TMEM184A: variants seen among roughly 807,000 people sequenced by gnomAD.
TMEM184A encodes sexually dimorphic, expressed in male gonads 1.
In TMEM184A, 40 loss-of-function variants were observed where a neutral mutation model predicts 39.5. The observed-to-expected ratio is 1.01, with a 90% CI of 0.79 to 1.32. TMEM184A has a LOEUF of 1.32. TMEM184A is among the 40% of genes most tolerant of loss of function. The probability of loss-of-function intolerance (pLI) is 0.00; values close to 1 mark genes in which losing one functional copy is unlikely to be tolerated. For missense variants in TMEM184A, 603 were observed against 568.8 expected, an observed-to-expected ratio of 1.06 and a Z score of -0.61; for synonymous variants, 280 against 252.3, an observed-to-expected ratio of 1.11 and a Z score of -1.04.
intron 6 of TMEM184A, chr7:1,549,380 G>GA: frequency 2.6e-6 from 1 of 391,796 alleles, no homozygotes; most frequent in East Asian, 7.2e-5. Flanking sequence ...TGTGCTGGGT[G>GA]GCTGCCTGTC....
Position 1,550,912 on chromosome 7 carries a change from A to G in TMEM184A, c.290T>C (p.Val97Ala). The change falls in exon 3 of 9, where the codon GTG becomes GCG. Residue 97 changes from valine to alanine, a missense_variant. Transcript: ENST00000297477. ...CCAGGAGTCGAAGGCGTAGATGGGCACGATGAGGAGCAGGCGGATGATGTA... is the reference window on the plus strand; with the variant it reads ...CCAGGAGTCGAAGGCGTAGATGGGCGCGATGAGGAGCAGGCGGATGATGTA... ...QRYIIRLLLI[V>A]PIYAFDSWLS... 1.2e-6 allele frequency: 2 copies of G among 1,613,872 alleles called. No homozygotes were observed. The highest frequency in any genetic ancestry group is 1.7e-6 in the Non-Finnish European group (2 of 1,179,964).
Position 1,547,947 on chromosome 7 carries a change from C to A in TMEM184A, c.815-8G>T, listed in dbSNP as rs372686419. 3.2e-6 allele frequency: 5 copies of A among 1,556,680 alleles called. No individual in the cohort carries two copies. In the Admixed American group the frequency reaches 7.6e-5, roughly 24 times the overall value. Reference sequence around the variant, plus strand: ...GGATGGCCAGCAGCAGCCCTGCGGACGCCACGGCCGCTCAGCCCCAGCCCC... The same window carrying A: ...GGATGGCCAGCAGCAGCCCTGCGGAAGCCACGGCCGCTCAGCCCCAGCCCC... On this transcript the variant is annotated splice_region_variant and splice_polypyrimidine_tract_variant and intron_variant, in intron 7 of 8. Transcript: ENST00000297477.
chr7:1,548,653 T>C lies in TMEM184A; in HGVS notation c.680A>G (p.Tyr227Cys). Residue 227 changes from tyrosine to cysteine, a missense_variant, in exon 7 of 9, where the codon TAC becomes TGC. By Grantham distance (194) the Tyr-to-Cys change is radical (BLOSUM62 -2). Transcript: ENST00000297477. ...GAGGGCGAGGCTGACGGAGGCGTTG[T>C]AGATGAGGGTCACATAGAGGTAGCC... The part of the protein sequence containing the change: ...RSGYLYVTLI[Y>C]NASVSLALYA... 6.2e-7 allele frequency: 1 copy of C among 1,613,836 alleles called. No homozygotes were observed. Among genetic ancestry groups the C allele is most frequent in the Non-Finnish European group, 8.5e-7 (1 of 1,179,964 alleles).
chr7:1,546,623 G>A lies in TMEM184A; in HGVS notation c.*329C>T. The stretch of plus-strand genomic sequence containing the variant: ...CACTCACAGCTCCCATGGGGTCCGT[G>A]CAGCCAAGGCCCCGCAGCCACACTC... On this transcript the variant is annotated 3_prime_UTR_variant, in exon 9 of 9. Coordinates refer to ENST00000297477, the MANE Select transcript of TMEM184A (RefSeq NM_001097620.2). 1 of 285,704 alleles carries A rather than the reference G, an allele frequency of 3.5e-6. No homozygotes were observed. The highest frequency in any genetic ancestry group is 6.5e-6 in the Non-Finnish European group (1 of 153,796). The allele number at this position is 285,704 out of a possible 1,614,324, so 17.7% of individuals were successfully genotyped here.
Position 1,547,370 on chromosome 7 carries a change from C to T in TMEM184A, c.1013-189G>A, listed in dbSNP as rs773900616. On this transcript the variant is annotated intron_variant, in intron 8 of 8. Transcript: ENST00000297477. ...ACCCAGCACCGGGCCCGTCCCTGGC[C>T]AGACCCCTGACAAGGACCACGTCCC... 2.8e-4 allele frequency among the ~76,000 whole-genome samples: 42 copies of T among 152,250 alleles called. 1 individual carries two copies. In the Middle Eastern group the frequency reaches 0.02, roughly 74 times the overall value.
intron 2 of TMEM184A, among the ~76,000 whole-genome samples, chr7:1,551,826 A>G (rs965166967): frequency 1.3e-5 from 2 of 152,038 alleles, no homozygotes; most frequent in African/African-American, 2.4e-5. Flanking sequence ...AATCCCAGCT[A>G]CTAGAGAGGC....
At chr7:1,549,258 G>C (rs1201528561) in intron 6 of TMEM184A, 2 of 448,340 alleles carry the variant, frequency 4.5e-6, no homozygotes, top group Admixed American at 2.4e-5. Context: ...GTGCGCACAG[G>C]TGACAGCACA....
At chr7:1,548,057 G>A (rs764657668) in intron 7 of TMEM184A, 118 bp from the exon 8 acceptor site, 37 of 1,152,122 alleles carry the variant, frequency 3.2e-5, no homozygotes, top group Admixed American at 9.1e-5. Context: ...GTGTAGTCTC[G>A]TCCCACCCCA....
In TMEM184A at chr7:1,555,151, G is replaced by T; in HGVS notation, c.219+115C>A. ...TCATCCCCTCCCCCGTGCCCTGGCC[G>T]ATCCCACTTCTGACAGCGTCTATAG... On this transcript the variant is annotated intron_variant, in intron 2 of 8. Transcript: ENST00000297477. This position sits in a 1 kb window ranked among gnomAD's most constrained non-coding sequence, Gnocchi z 5.2. 4.6e-6 allele frequency: 4 copies of T among 872,062 alleles called. No homozygotes were observed. Among genetic ancestry groups the T allele is most frequent in the Middle Eastern group, 3.6e-4 (1 of 2,754 alleles). 54.0% of individuals were successfully genotyped at this position (872,062 alleles called of 1,614,324 possible).
In TMEM184A at chr7:1,555,314, G is replaced by A. The variant is rs141628443; in HGVS notation, c.171C>T (p.Gly57=). 50 of 1,607,792 alleles carry A rather than the reference G, an allele frequency of 3.1e-5. No homozygotes were observed. In the African/African-American group the frequency reaches 3.9e-4, roughly 12 times the overall value. The part of the protein sequence containing the change: ...WLFLTSALAR[G]VSGIFVWTAL... ...CAGTCCACACGAAGATCCCCGAGAC[G>A]CCTCGGGCCAGTGCGGAGGTGAGGA... The change falls in exon 2 of 9, where the codon GGC becomes GGT. Residue 57 remains glycine, a synonymous_variant. Transcript: ENST00000297477. This position sits in a 1 kb window ranked among gnomAD's most constrained non-coding sequence, Gnocchi z 5.2.
chr7:1,542,668 A>G lies in TMEM184A; in HGVS notation c.*4284T>C, dbSNP rs914591462. 3.3e-5 allele frequency: 5 copies of G among 152,372 alleles called. No homozygotes were observed. Among genetic ancestry groups the G allele is most frequent in the East Asian group, 1.9e-4 (1 of 5,196 alleles). The allele number at this position is 152,372 out of a possible 1,614,324, so 9.4% of individuals were successfully genotyped here. A position where few individuals can be genotyped will look rare whatever the true frequency, so the allele number is the denominator to read the frequency against. The stretch of plus-strand genomic sequence containing the variant: ...AAATTTCATTGTCATGATTTAATAT[A>G]TGGATTTTTTTATTTAAGAAAAAGA... On this transcript the variant is annotated 3_prime_UTR_variant, in exon 9 of 9. Coordinates refer to ENST00000297477, the MANE Select transcript of TMEM184A (RefSeq NM_001097620.2).
At chr7:1,549,665 G>A in intron 6 of TMEM184A, 189 bp downstream of exon 6, 1 of 703,404 alleles carries the variant, frequency 1.4e-6, no homozygotes, top group South Asian at 1.5e-5. Context: ...CGGACGCCAG[G>A]CCTGCCTTGT....
In TMEM184A at chr7:1,555,511, G is replaced by A. The variant is rs187151440; in HGVS notation, c.1-27C>T. ...TGCAGAGGGAGGGAGGACACACACC[G>A]GGAGGAGTGAGGGCAAAGGTACTGG... On this transcript the variant is annotated intron_variant, in intron 1 of 8. Transcript: ENST00000297477. This position sits in a 1 kb window ranked among gnomAD's most constrained non-coding sequence, Gnocchi z 5.2. The A allele has an allele frequency of 7.9e-5, 125 of 1,576,828 alleles. No homozygotes were observed. The African/African-American group carries it at 9.9e-4, about 13-fold the overall frequency.
rs755177829 is a variant in TMEM184A at position 1,550,137 on chromosome 7, G to A, written c.538C>T (p.Arg180Cys). 12 of 1,605,244 alleles carry A rather than the reference G, an allele frequency of 7.5e-6. No individual in the cohort carries two copies. The highest frequency in any genetic ancestry group is 1.1e-5 in the South Asian group (1 of 90,144). The change falls in exon 5 of 9, where the codon CGC becomes TGC. Residue 180 changes from arginine (R) to cysteine (C), a missense_variant. Physicochemically the swap from Arg to Cys is radical, Grantham distance 180 (BLOSUM62 -3). Coordinates refer to ENST00000297477, the MANE Select transcript of TMEM184A (RefSeq NM_001097620.2). ...TGGCCCCTCACCTGCTTACAGAAGC[G>A]CAGGAACCCGATGGAGTAGGTCATG... is the stretch of plus-strand genomic sequence containing the variant. ...RGMTYSIGFL[R>C]FCKQATLQFC... is the part of the protein sequence containing the mutation.
At position 1,547,857 on chromosome 7, in the gene TMEM184A, C is replaced by T. The variant is rs370907376; in HGVS notation, c.897G>A (p.Thr299=). The change falls in exon 8 of 9, where the codon ACG becomes ACA. Residue 299 remains threonine, a synonymous_variant. Transcript: ENST00000297477. ...TSGGNKLGAG[T]LAAGYQNFII... ...TGAAGTTCTGGTAGCCGGCGGCCAG[C>T]GTGCCAGCCCCCAGCTTGTTCCCGC... 1.7e-5 allele frequency: 27 copies of T among 1,605,630 alleles called. No homozygotes were observed. The highest frequency in any genetic ancestry group is 2.2e-5 in the East Asian group (1 of 44,514).
At chr7:1,548,875 T>G (rs1583215736) in intron 6 of TMEM184A, 187 bp from the exon 7 acceptor site, 2 of 761,982 alleles carry the variant, frequency 2.6e-6, no homozygotes. Context: ...GAGCTGGGGG[T>G]GGCTGGGGGG....
rs771939111 is a variant in TMEM184A, at chr7:1,550,956, G to C, written c.246C>G (p.Thr82=). The C allele has an allele frequency of 6.2e-6, 10 of 1,613,374 alleles. No individual in the cohort carries two copies. The African/African-American group carries it at 1.2e-4, about 19-fold the overall frequency. ...HQIYLHLRSY[T]VPQEQRYIIR... ...TGATGTAACGTTGCTCCTGTGGCAC[G>C]GTGTAGGAGCGCAGGTGCAGATAGA... Residue 82 remains threonine (T), a synonymous_variant, in exon 3 of 9, where the codon ACC becomes ACG. Transcript: ENST00000297477.
In TMEM184A at chr7:1,550,853, A is replaced by G. The variant is rs1302342209; in HGVS notation, c.349T>C (p.Tyr117His). Reference protein sequence around the residue: ...SLLLLGDHQYYVYFDSVRDCY... With the variant: ...SLLLLGDHQYHVYFDSVRDCY... The stretch of plus-strand genomic sequence containing the variant: ...TCCCGCACAGAGTCGAAGTAGACGT[A>G]GTACTGGTGGTCTCCGAGGAGGAGG... Residue 117 changes from tyrosine (Y) to histidine (H), a missense_variant, in exon 3 of 9, where the codon TAC becomes CAC. Transcript: ENST00000297477. The G allele has an allele frequency of 3.7e-6, 6 of 1,613,514 alleles. No individual in the cohort carries two copies. Among genetic ancestry groups the G allele is most frequent in the Admixed American group, 1.7e-5 (1 of 60,016 alleles).
chr7:1,550,850 C>T lies in TMEM184A; in HGVS notation c.352G>A (p.Val118Ile), dbSNP rs1295016115. Residue 118 changes from valine (V) to isoleucine (I), a missense_variant, in exon 3 of 9, where the codon GTC becomes ATC. Transcript: ENST00000297477. ...CAGTCCCGCACAGAGTCGAAGTAGACGTAGTACTGGTGGTCTCCGAGGAGG... is the reference window on the plus strand; with the variant it reads ...CAGTCCCGCACAGAGTCGAAGTAGATGTAGTACTGGTGGTCTCCGAGGAGG... ...LLLLGDHQYYVYFDSVRDCYE... is the reference protein window; with the variant it reads ...LLLLGDHQYYIYFDSVRDCYE... 7 of 1,613,328 alleles carry T rather than the reference C, an allele frequency of 4.3e-6. No homozygotes were observed. Among genetic ancestry groups the T allele is most frequent in the African/African-American group, 4.0e-5 (3 of 74,914 alleles).
Sources: gnomAD v4.1 joint callset for allele counts (sites outside exome capture counted in the v4.1 genomes callset) on GRCh38, gnomAD v4.1.1 for gene constraint, Gnocchi (gnomAD v3.1) non-coding constraint, MANE v1.5 for transcripts, NCBI Gene and HGNC (gene_info 2026-07-23, HGNC 2026-07-21) for gene names.